The following M1AP variants were observed in gnomAD, a reference collection of about 807,000 sequenced individuals.
M1AP encodes the protein meiosis 1 arrest protein.
M1AP carries 39 observed loss-of-function variants against 51.2 expected under a neutral mutation model. The observed-to-expected ratio is 0.76, with a 90% CI of 0.59 to 1.00. M1AP has a LOEUF of 1.00. Ranked by LOEUF, M1AP falls within the 50% of genes least tolerant of loss-of-function variation. The pLI is 0.00. For missense variants in M1AP, 545 were observed against 641.2 expected (o/e 0.85, Z 1.62); for synonymous variants, 251 against 249.2 (o/e 1.01, Z -0.07).
At chr2:74,645,397 T>A (rs747820202) in intron 1 of M1AP, among the ~76,000 whole-genome samples, 1 of 152,130 alleles carries the variant, frequency 6.6e-6, no homozygotes, top group Non-Finnish European at 1.5e-5. Context: ...TGCTGGGCCA[T>A]AAGGCACGTA....
intron 7 of M1AP, among the ~76,000 whole-genome samples, chr2:74,566,926 C>T (rs765090284): frequency 6.6e-6 from 1 of 152,132 alleles, no homozygotes; most frequent in Non-Finnish European, 1.5e-5. Flanking sequence ...GAGACTCTGA[C>T]ATTTTAAGTA....
At chr2:74,560,110 G>A (rs1181982066) in intron 9 of M1AP, 41 bp downstream of exon 9, 3 of 1,604,876 alleles carry the variant, frequency 1.9e-6, no homozygotes, top group East Asian at 2.2e-5. Flanking sequence ...GAAGGGGAGG[G>A]AGGGGAAGTA....
At chr2:74,629,410 T>C (rs902637634) in intron 2 of M1AP, among the ~76,000 whole-genome samples, 3 of 152,148 alleles carry the variant, frequency 2.0e-5, no homozygotes, top group African/African-American at 7.2e-5. Flanking sequence ...TCTGACCTCA[T>C]GTGATGGGTT....
At chr2:74,588,467 A>C (rs1679847385) in intron 4 of M1AP, among the ~76,000 whole-genome samples, 1 of 152,244 alleles carries the variant, frequency 6.6e-6, no homozygotes. Context: ...CAGCAGATAA[A>C]GCTTAGTCAG....
Position 74,560,273 on chromosome 2 carries a change from C to A in M1AP, c.1300G>T (p.Glu434Ter). 6.2e-7 allele frequency: 1 copy of A among 1,609,326 alleles called. No individual in the cohort carries two copies. The highest frequency in any genetic ancestry group is 8.5e-7 in the Non-Finnish European group (1 of 1,177,854). Residue 434 changes from glutamate to a stop codon, truncating the protein, a stop_gained, in exon 9 of 11, where the codon GAG (glutamate) becomes TAG (stop). Transcript: ENST00000421985. LOFTEE classifies it high-confidence loss of function. ...KNVESMLDSL[E>*]LEPTYNPLHV... ...AAGGGGTTGTAGGTGGGCTCCAGCT[C>A]CAGGCTGTCCAGCATGCTCTGAGGA...
intron 2 of M1AP, 113 bp downstream of exon 2, chr2:74,639,923 T>C: frequency 1.1e-6 from 1 of 908,376 alleles, no homozygotes; most frequent in Admixed American, 2.1e-5. Flanking sequence ...CTACTGTGTG[T>C]GGAGAAGTAG....
chr2:74,586,764 G>A (rs890864133), intron 4 of M1AP, among the ~76,000 whole-genome samples: 1 of 152,168 alleles, frequency 6.6e-6, no homozygotes, highest in African/African-American at 2.4e-5. Context: ...ACTTTGGGAG[G>A]CTGAGGCGGG....
rs569218987 is a variant in M1AP at position 74,576,796 on chromosome 2, G to A, written c.770-178C>T. 46 of 1,271,990 alleles carry A rather than the reference G, an allele frequency of 3.6e-5. No individual in the cohort carries two copies. In the South Asian group the frequency reaches 5.9e-4, roughly 16 times the overall value. The allele number at this position is 1,271,990 out of a possible 1,614,324, so 78.8% of individuals were successfully genotyped here. On this transcript the variant is annotated intron_variant, in intron 5 of 10. Coordinates refer to ENST00000421985, the MANE Select transcript of M1AP (RefSeq NM_001321739.2). ...GGAAAGAGGAAAGCCTGACTGGTTT[G>A]GAAAGGGAGAACAGGTCTGGAAGCT...
intron 4 of M1AP, among the ~76,000 whole-genome samples, chr2:74,603,337 A>G (rs1680781926): frequency 6.6e-6 from 1 of 152,246 alleles, no homozygotes; most frequent in Non-Finnish European, 1.5e-5. Flanking sequence ...AGTTTAATGC[A>G]GAGGGAAAAG....
At chr2:74,573,150 G>A (rs966708960) in intron 7 of M1AP, among the ~76,000 whole-genome samples, 12 of 151,844 alleles carry the variant, frequency 7.9e-5, no homozygotes, top group African/African-American at 2.4e-4. Flanking sequence ...AGGTTCAAGC[G>A]ATTCTCCTGC....
chr2:74,599,590 T>G (rs535401863), intron 4 of M1AP, among the ~76,000 whole-genome samples: 9 of 152,282 alleles, frequency 5.9e-5, no homozygotes, highest in African/African-American at 1.9e-4. Flanking sequence ...ACTTCTCTAA[T>G]CCATTCCAGT....
At chr2:74,587,699 ACT>A (rs1020207837) in intron 4 of M1AP, among the ~76,000 whole-genome samples, 2 of 152,208 alleles carry the variant, frequency 1.3e-5, no homozygotes, top group African/African-American at 4.8e-5. Flanking sequence ...GTACCCATGC[ACT>A]AGATGAACGG....
intron 2 of M1AP, among the ~76,000 whole-genome samples, chr2:74,630,699 G>C (rs759230444): frequency 4.0e-5 from 6 of 151,474 alleles, no homozygotes; most frequent in Non-Finnish European, 7.4e-5. Flanking sequence ...TCCATGGTGT[G>C]TATGTACCAC....
chr2:74,625,504 TATTA>T lies in M1AP; in HGVS notation c.241-10359_241-10356del, dbSNP rs557143253. ...TATTATTTTCTCCCCATGGTCTGTG[TATTA>T]ATTATTAATTTATTGCCTCTCAACT... On this transcript the variant is annotated intron_variant, in intron 2 of 10. Transcript: ENST00000421985. 9.8e-4 allele frequency among the ~76,000 whole-genome samples: 149 copies of T among 152,348 alleles called. 1 individual carries two copies. The highest frequency in any genetic ancestry group is 3.4e-3 in the African/African-American group (142 of 41,586).
chr2:74,631,335 T>C (rs1400912794), intron 2 of M1AP, among the ~76,000 whole-genome samples: 1 of 152,212 alleles, frequency 6.6e-6, no homozygotes, highest in Non-Finnish European at 1.5e-5. Flanking sequence ...TATAACTCTG[T>C]GTAATTCCCT....
intron 7 of M1AP, among the ~76,000 whole-genome samples, chr2:74,565,778 G>A (rs987212984): frequency 4.7e-5 from 7 of 150,126 alleles, no homozygotes; most frequent in Non-Finnish European, 7.4e-5. Context: ...GCAGTGAGCC[G>A]AAATCACACC....
chr2:74,564,652 A>C (rs1241585287), intron 7 of M1AP, among the ~76,000 whole-genome samples: 1 of 152,214 alleles, frequency 6.6e-6, no homozygotes, highest in Non-Finnish European at 1.5e-5. Context: ...TGTGCAGGAA[A>C]GTCAGCTTGA....
At chr2:74,626,434 T>C (rs1157706324) in intron 2 of M1AP, among the ~76,000 whole-genome samples, 2 of 152,166 alleles carry the variant, frequency 1.3e-5, no homozygotes, top group East Asian at 3.9e-4. Flanking sequence ...TATTTTTAAA[T>C]TTTTTGTAGA....
chr2:74,628,483 A>C (rs1682525684), intron 2 of M1AP: 2 of 442,260 alleles, frequency 4.5e-6, no homozygotes, highest in Non-Finnish European at 9.1e-6. Flanking sequence ...ACCACTGCTA[A>C]CCAGTTTACT....
Sources: allele counts gnomAD v4.1 joint callset (sites outside exome capture counted in the v4.1 genomes callset), GRCh38; gene constraint gnomAD v4.1.1; transcripts MANE v1.5; gene names NCBI Gene and HGNC (gene_info 2026-07-23, HGNC 2026-07-21).